Variants in MTHFD1L observed in about 807,000 individuals in gnomAD.
MTHFD1L encodes methylenetetrahydrofolate dehydrogenase (NADP+ dependent) 1 like.
MTHFD1L carries 81 observed loss-of-function variants against 119.5 expected under a neutral mutation model. The ratio of observed to expected loss-of-function variants is 0.68; its 90% CI spans 0.57 to 0.82. MTHFD1L has a LOEUF of 0.82. MTHFD1L is among the 40% of genes least tolerant of loss of function. The probability of loss-of-function intolerance (pLI) is 0.00; values close to 1 mark genes in which losing one functional copy is unlikely to be tolerated. For missense variants in MTHFD1L, 1,125 were observed against 1,253.4 expected (o/e 0.90, Z 1.55); for synonymous variants, 430 against 475.2 (o/e 0.90, Z 1.24).
chr6:151,071,698 A>T (rs921156494), intron 26 of MTHFD1L, among the ~76,000 whole-genome samples: 5 of 152,142 alleles, frequency 3.3e-5, no homozygotes, highest in Non-Finnish European at 7.3e-5. Context: ...TAACTAAAGA[A>T]TCCTCTTTTT....
In MTHFD1L at chr6:151,009,625, G is replaced by A. The variant is rs138487302; in HGVS notation, c.2126-194G>A. Among the ~76,000 whole-genome samples, 7 of 152,342 alleles carry A rather than the reference G, an allele frequency of 4.6e-5. No homozygotes were observed. In the East Asian group the frequency reaches 1.4e-3, roughly 29 times the overall value. On this transcript the variant is annotated intron_variant, in intron 20 of 27. Transcript: ENST00000367321. Reference sequence around the variant, plus strand: ...AATCCCTCAGGCCTGGCGGTGGGAAGCAGAGGAGGGCGCAGTCTCTTTAGG... The same window carrying A: ...AATCCCTCAGGCCTGGCGGTGGGAAACAGAGGAGGGCGCAGTCTCTTTAGG...
intron 8 of MTHFD1L, among the ~76,000 whole-genome samples, chr6:150,913,673 T>G (rs1387475937): frequency 6.6e-6 from 1 of 151,798 alleles, no homozygotes; most frequent in African/African-American, 2.4e-5. Flanking sequence ...ATTAAGAGAG[T>G]GTGGGTTTTA....
At chr6:151,038,811 G>A (rs778658816) in intron 26 of MTHFD1L, among the ~76,000 whole-genome samples, 8 of 152,264 alleles carry the variant, frequency 5.3e-5, no homozygotes, top group Middle Eastern at 3.4e-3. Flanking sequence ...CGTGGGGGCC[G>A]GGGGAAGGGA....
intron 24 of MTHFD1L, among the ~76,000 whole-genome samples, chr6:151,020,423 C>T (rs980382891): frequency 6.6e-6 from 1 of 152,178 alleles, no homozygotes; most frequent in Non-Finnish European, 1.5e-5. Context: ...GCACTTCTGA[C>T]TTGGGAGTCT....
chr6:151,043,392 G>A (rs1437993159), intron 26 of MTHFD1L, among the ~76,000 whole-genome samples: 1 of 147,604 alleles, frequency 6.8e-6, no homozygotes, highest in Non-Finnish European at 1.5e-5. Flanking sequence ...AGCCTCCCAA[G>A]TAGCTGGGAC....
In MTHFD1L at chr6:150,994,182, T is replaced by C. The variant is rs367812844; in HGVS notation, c.2126-15637T>C. On this transcript the variant is annotated intron_variant, in intron 20 of 27. Transcript: ENST00000367321. ...CAGTCTGGGCTGGTTTAGCAACTCC[T>C]TGATCATCATGGGTTCTGTGCTACC... is the stretch of plus-strand genomic sequence containing the variant. Among the ~76,000 whole-genome samples the C allele has an allele frequency of 9.2e-5, 14 of 152,162 alleles. No homozygotes were observed. In the East Asian group the frequency reaches 2.3e-3, roughly 25 times the overall value.
intron 11 of MTHFD1L, chr6:150,935,376 A>G (rs984291276): frequency 1.2e-6 from 2 of 1,613,822 alleles, no homozygotes; most frequent in Admixed American, 3.3e-5. Context: ...AACAAACAAG[A>G]CTTGAGGAAC....
At chr6:151,006,761 A>G (rs1286933643) in intron 20 of MTHFD1L, among the ~76,000 whole-genome samples, 1 of 152,092 alleles carries the variant, frequency 6.6e-6, no homozygotes, top group Non-Finnish European at 1.5e-5. Flanking sequence ...TAATGTCTCA[A>G]ACACATGGTC....
chr6:151,092,652 A>AT (rs796193470), intron 27 of MTHFD1L, 65 bp downstream of exon 27: 10,446 of 838,424 alleles, frequency 0.012, 3 homozygotes, highest in South Asian at 0.015. Flanking sequence ...TTTTTTTGTC[A>AT]TTTTTTTTTT....
chr6:151,070,362 C>T (rs1260732830), intron 26 of MTHFD1L, among the ~76,000 whole-genome samples: 1 of 152,180 alleles, frequency 6.6e-6, no homozygotes, highest in East Asian at 1.9e-4. Context: ...TATTGTTGAA[C>T]CTCTAATCTA....
intron 24 of MTHFD1L, among the ~76,000 whole-genome samples, chr6:151,017,041 C>T (rs1030427059): frequency 1.3e-5 from 2 of 151,634 alleles, no homozygotes; most frequent in African/African-American, 4.8e-5. Context: ...TCCCAGAGTG[C>T]TAGGGTTGCA....
intron 20 of MTHFD1L, among the ~76,000 whole-genome samples, chr6:151,001,843 A>G (rs943288337): frequency 1.3e-5 from 2 of 152,228 alleles, no homozygotes; most frequent in African/African-American, 4.8e-5. Flanking sequence ...CACTGTTGAC[A>G]CATGGACCAA....
intron 19 of MTHFD1L, among the ~76,000 whole-genome samples, chr6:150,966,188 G>GAAGAAAATTGGTTTA (rs1797189126): frequency 1.3e-5 from 2 of 152,174 alleles, no homozygotes; most frequent in Non-Finnish European, 2.9e-5. Context: ...GGTAATTTAA[G>GAAGAAAATTGGTTTA]AAGAAAATTG....
chr6:150,973,757 C>T (rs535197), intron 20 of MTHFD1L, among the ~76,000 whole-genome samples: 13,296 of 152,138 alleles, frequency 0.087, 696 homozygotes, highest in Non-Finnish European at 0.12. Context: ...GGGTGTGTCC[C>T]CTGTAGACAT....
intron 20 of MTHFD1L, among the ~76,000 whole-genome samples, chr6:150,990,002 G>A (rs1446031687): frequency 6.6e-6 from 1 of 152,194 alleles, no homozygotes; most frequent in Non-Finnish European, 1.5e-5. Flanking sequence ...TTCAAGGCCG[G>A]GCGCAGTGGC....
rs909614648 is a variant in MTHFD1L at position 151,079,417 on chromosome 6, T to TG, written c.2848-13044dup. Among the ~76,000 whole-genome samples the TG allele has an allele frequency of 3.3e-5, 5 of 152,084 alleles. No individual in the cohort carries two copies. In the South Asian group the frequency reaches 1.0e-3, roughly 32 times the overall value. On this transcript the variant is annotated intron_variant, in intron 26 of 27. Transcript: ENST00000367321. The stretch of plus-strand genomic sequence containing the variant: ...GGGAATGCCACTGGGGGCAGGGCAG[T>TG]GGGGGGCAGGGAACAGGTTTTTCTG...
intron 14 of MTHFD1L, 122 bp downstream of exon 14, chr6:150,944,715 G>T: frequency 1.4e-6 from 1 of 729,488 alleles, no homozygotes; most frequent in South Asian, 1.9e-5. Context: ...ATTCAATTTT[G>T]TGATTTTTAC....
At chr6:150,984,335 G>C (rs1317120117) in intron 20 of MTHFD1L, among the ~76,000 whole-genome samples, 2 of 152,146 alleles carry the variant, frequency 1.3e-5, no homozygotes, top group Non-Finnish European at 2.9e-5. Context: ...GCAGAAAAAG[G>C]AGTATATGAT....
At chr6:151,070,637 T>C (rs1487448766) in intron 26 of MTHFD1L, among the ~76,000 whole-genome samples, 1 of 152,236 alleles carries the variant, frequency 6.6e-6, no homozygotes, top group African/African-American at 2.4e-5. Context: ...TCTGCCGTTA[T>C]AGCACAAAAC....
Sources: allele counts gnomAD v4.1 joint callset (sites outside exome capture counted in the v4.1 genomes callset), GRCh38; gene constraint gnomAD v4.1.1; transcripts MANE v1.5; gene names NCBI Gene and HGNC (gene_info 2026-07-23, HGNC 2026-07-21).